The following GPR158 variants were observed in gnomAD, a reference collection of about 807,000 sequenced individuals.
GPR158 encodes the protein metabotropic glycine receptor.
A neutral mutation model predicts 78.2 loss-of-function variants in GPR158; 30 were observed. That is an observed-to-expected ratio of 0.38 (90% confidence interval 0.29 to 0.52). GPR158 has a LOEUF of 0.52. GPR158 is among the 20% of genes least tolerant of loss of function. GPR158 has a pLI of 0.83. For synonymous variants in GPR158, 581 were observed against 591.1 expected (o/e 0.98, Z 0.25); for missense variants, 1,463 against 1,523.5 (o/e 0.96, Z 0.66).
intron 2 of GPR158, among the ~76,000 whole-genome samples, chr10:25,243,403 C>T (rs1328493465): frequency 6.6e-6 from 1 of 152,184 alleles, no homozygotes; most frequent in African/African-American, 2.4e-5. Context: ...TAAATTACTG[C>T]ATATGTTTCA....
chr10:25,287,934 G>T (rs544076410), intron 2 of GPR158, among the ~76,000 whole-genome samples: 2 of 152,056 alleles, frequency 1.3e-5, no homozygotes, highest in Non-Finnish European at 2.9e-5. Flanking sequence ...GAATATATAT[G>T]CATGGAATAC....
chr10:25,562,539 C>T (rs1224904032), intron 6 of GPR158, among the ~76,000 whole-genome samples: 1 of 152,124 alleles, frequency 6.6e-6, no homozygotes, highest in Non-Finnish European at 1.5e-5. Context: ...TTAACCCATT[C>T]GTTAAGAGTA....
At chr10:25,525,861 C>G (rs898217264) in intron 5 of GPR158, among the ~76,000 whole-genome samples, 9 of 152,080 alleles carry the variant, frequency 5.9e-5, no homozygotes, top group Non-Finnish European at 8.8e-5. Context: ...AATCCCAGCA[C>G]TTTGGGAGGC....
intron 1 of GPR158, among the ~76,000 whole-genome samples, chr10:25,192,272 C>T (rs887487738): frequency 3.9e-5 from 6 of 152,154 alleles, no homozygotes; most frequent in Non-Finnish European, 1.5e-5. Context: ...TCTCCTTCAC[C>T]TTCCGCCACG....
In GPR158 at chr10:25,242,146, C is replaced by A. The variant is rs1588753603; in HGVS notation, c.1008+20989C>A. Among the ~76,000 whole-genome samples the A allele has an allele frequency of 2.0e-5, 3 of 152,174 alleles. No individual in the cohort carries two copies. In the East Asian group the frequency reaches 5.8e-4, roughly 29 times the overall value. Reference sequence around the variant, plus strand: ...GGAAAACCCAAAGGGGAGGCAGCAGCTTTTAATAGCATAAAATGACCTAGG... The same window carrying A: ...GGAAAACCCAAAGGGGAGGCAGCAGATTTTAATAGCATAAAATGACCTAGG... On this transcript the variant is annotated intron_variant, in intron 2 of 10. Transcript: ENST00000376351.
At chr10:25,346,910 A>G (rs1223392631) in intron 2 of GPR158, among the ~76,000 whole-genome samples, 1 of 151,984 alleles carries the variant, frequency 6.6e-6, no homozygotes, top group Non-Finnish European at 1.5e-5. Context: ...TCCAAGTTCA[A>G]AACCTGGCTT....
chr10:25,494,023 A>C (rs192924323), intron 5 of GPR158, among the ~76,000 whole-genome samples: 1 of 152,318 alleles, frequency 6.6e-6, no homozygotes, highest in African/African-American at 2.4e-5. Context: ...TCTGATTTCT[A>C]CAGTATATTA....
chr10:25,436,120 A>G (rs1408398248), intron 4 of GPR158, among the ~76,000 whole-genome samples: 3 of 152,212 alleles, frequency 2.0e-5, no homozygotes, highest in Non-Finnish European at 4.4e-5. Context: ...AGCAAATAAA[A>G]ATACAGAATC....
chr10:25,481,265 A>G (rs1196443129), intron 5 of GPR158, among the ~76,000 whole-genome samples: 6 of 152,132 alleles, frequency 3.9e-5, no homozygotes, highest in African/African-American at 1.4e-4. Flanking sequence ...GGTTTAAAGC[A>G]AGCAGGCATG....
At chr10:25,502,414 C>G (rs758085585) in intron 5 of GPR158, among the ~76,000 whole-genome samples, 20 of 152,142 alleles carry the variant, frequency 1.3e-4, no homozygotes, top group Non-Finnish European at 2.2e-4. Flanking sequence ...AACCAAAACC[C>G]TGCGTGAGGC....
chr10:25,487,254 G>A (rs1434308895), intron 5 of GPR158, among the ~76,000 whole-genome samples: 1 of 152,060 alleles, frequency 6.6e-6, no homozygotes, highest in Non-Finnish European at 1.5e-5. Context: ...AATATAAGCA[G>A]CCTACAAGAC....
At chr10:25,317,716 G>GTTTTTTTTTTTTTTTTTTTTTTTTT (rs756759445) in intron 2 of GPR158, among the ~76,000 whole-genome samples, 11 of 134,066 alleles carry the variant, frequency 8.2e-5, no homozygotes, top group East Asian at 2.1e-4. Context: ...TTCGTAAAGT[G>GTTTTTTTTTTTTTTTTTTTTTTTTT]TTTTTTTTTG....
intron 7 of GPR158, among the ~76,000 whole-genome samples, chr10:25,582,204 G>A (rs75465647): frequency 0.015 from 2,301 of 152,246 alleles, 41 homozygotes; most frequent in African/African-American, 0.053. Flanking sequence ...ATATCAGACA[G>A]AGAGACGAAA....
At chr10:25,313,326 C>T (rs1854795657) in intron 2 of GPR158, among the ~76,000 whole-genome samples, 1 of 150,982 alleles carries the variant, frequency 6.6e-6, no homozygotes, top group African/African-American at 2.4e-5. Flanking sequence ...TGCAGCACAC[C>T]AACATGGCAC....
At chr10:25,545,182 T>G (rs374626804) in intron 5 of GPR158, among the ~76,000 whole-genome samples, 12 of 152,364 alleles carry the variant, frequency 7.9e-5, no homozygotes, top group African/African-American at 2.9e-4. Flanking sequence ...TGCATGTGTC[T>G]TTATAGTAGA....
chr10:25,211,843 A>G (rs993390645), intron 1 of GPR158, among the ~76,000 whole-genome samples: 15 of 152,106 alleles, frequency 9.9e-5, no homozygotes, highest in African/African-American at 3.4e-4. Flanking sequence ...TCCTAATACT[A>G]CCTTCCTTTA....
intron 2 of GPR158, among the ~76,000 whole-genome samples, chr10:25,268,525 C>T (rs920073903): frequency 6.6e-6 from 1 of 152,080 alleles, no homozygotes; most frequent in Non-Finnish European, 1.5e-5. Flanking sequence ...AGCTGGACCT[C>T]CCCCAAAAAC....
chr10:25,265,148 C>G lies in GPR158; in HGVS notation c.1008+43991C>G, dbSNP rs570252216. Among the ~76,000 whole-genome samples the G allele has an allele frequency of 8.2e-4, 124 of 151,120 alleles. 2 individuals carry two copies. Among genetic ancestry groups the G allele is most frequent in the South Asian group, 8.0e-3 (38 of 4,752 alleles). On this transcript the variant is annotated intron_variant, in intron 2 of 10. Transcript: ENST00000376351. Reference sequence around the variant, plus strand: ...TATTTATGTTTCCCAATATTTAGTACTCTTTCCCTTCTAAGTCCACAGAGG... The same window carrying G: ...TATTTATGTTTCCCAATATTTAGTAGTCTTTCCCTTCTAAGTCCACAGAGG...
At chr10:25,348,971 T>G (rs1009480351) in intron 2 of GPR158, among the ~76,000 whole-genome samples, 1 of 152,044 alleles carries the variant, frequency 6.6e-6, no homozygotes, top group Non-Finnish European at 1.5e-5. Context: ...TAACCAATTC[T>G]GATGGTCTGT....
Sources: allele counts gnomAD v4.1 joint callset (sites outside exome capture counted in the v4.1 genomes callset), GRCh38; gene constraint gnomAD v4.1.1; transcripts MANE v1.5; gene names NCBI Gene and HGNC (gene_info 2026-07-23, HGNC 2026-07-21).